The following RTEL1 variants were observed in gnomAD, a reference collection of about 807,000 sequenced individuals.
RTEL1 encodes regulator of telomere length.
Under a neutral mutation model 162.2 loss-of-function variants are expected in RTEL1, and 86 were observed. The observed-to-expected ratio is 0.53, with a 90% CI of 0.45 to 0.63. The LOEUF (loss-of-function observed/expected upper bound fraction) is 0.63. Among genes scored for constraint, RTEL1 ranks in the 30% least tolerant of loss-of-function variants. The pLI, the probability that RTEL1 is intolerant of heterozygous loss-of-function variation, is 0.00. For missense variants in RTEL1, 1,941 were observed against 1,750.2 expected (o/e 1.11, Z -1.95); for synonymous variants, 958 against 717.9 (o/e 1.33, Z -5.35).
intron 21 of RTEL1, 120 bp downstream of exon 21, chr20:63,688,725 T>G (rs2090653705): frequency 1.2e-6 from 1 of 847,170 alleles, no homozygotes; most frequent in Non-Finnish European, 1.8e-6. Context: ...CGCTGCCTCT[T>G]CAGGGCTCCT....
intron 22 of RTEL1, 59 bp downstream of exon 22, chr20:63,689,191 T>C (rs575582979): frequency 2.6e-6 from 4 of 1,514,024 alleles, no homozygotes; most frequent in South Asian, 2.2e-5. Flanking sequence ...TGGGTGCTTA[T>C]GGCTCCCCAG....
At position 63,688,057 on chromosome 20, in the gene RTEL1, G is replaced by A. The variant is rs1464373152; in HGVS notation, c.1595+7G>A. Reference sequence around the variant, plus strand: ...GCTCCGCGTTTGACAGACGGTGAGGGCCTGTCCCTGGGCCCTGCTGGGGTG... The same window carrying A: ...GCTCCGCGTTTGACAGACGGTGAGGACCTGTCCCTGGGCCCTGCTGGGGTG... On this transcript the variant is annotated splice_region_variant and intron_variant, in intron 18 of 34. Transcript: ENST00000360203. 3 of 1,612,604 alleles carry A rather than the reference G, an allele frequency of 1.9e-6. No homozygotes were observed. The East Asian group carries it at 6.7e-5, about 36-fold the overall frequency.
chr20:63,685,958 G>A (rs1022334639), intron 16 of RTEL1, 86 bp downstream of exon 16: 45 of 1,310,768 alleles, frequency 3.4e-5, no homozygotes, highest in South Asian at 3.4e-4. Context: ...ATGCCCAGCC[G>A]TGGATCTCCT....
At chr20:63,669,326 T>C (rs923537731) in intron 8 of RTEL1, among the ~76,000 whole-genome samples, 1 of 152,192 alleles carries the variant, frequency 6.6e-6, no homozygotes, top group Non-Finnish European at 1.5e-5. Context: ...CTAAAAGTTA[T>C]AGAAAGGAAC....
At chr20:63,693,404 T>G in intron 30 of RTEL1, 121 bp downstream of exon 30, 2 of 1,222,286 alleles carry the variant, frequency 1.6e-6, no homozygotes, top group Non-Finnish European at 2.3e-6. Context: ...TCTGTTCCCC[T>G]ATGGGAGTGA....
intron 24 of RTEL1, 80 bp downstream of exon 24, chr20:63,689,945 A>T (rs2090689208): frequency 5.2e-6 from 8 of 1,550,958 alleles, no homozygotes; most frequent in Non-Finnish European, 7.0e-6. Flanking sequence ...CCTTCCCCAC[A>T]TGAGGCCCCG....
chr20:63,661,794 T>TA lies in RTEL1; in HGVS notation c.302-55dup, dbSNP rs1324091005. On this transcript the variant is annotated intron_variant, in intron 3 of 34. Transcript: ENST00000360203. This position sits in a 1 kb window ranked among gnomAD's most constrained non-coding sequence, Gnocchi z 5.1. The stretch of plus-strand genomic sequence containing the variant: ...TTAGCCGAATGCCACCTGCCTTTGA[T>TA]ACGTGAGAACGTTGTCTGAGAACCG... The TA allele has an allele frequency of 4.1e-6, 6 of 1,475,714 alleles. No homozygotes were observed. In the African/African-American group the frequency reaches 5.6e-5, roughly 14 times the overall value. The allele number at this position is 1,475,714 out of a possible 1,614,324, so 91.4% of individuals were successfully genotyped here.
intron 12 of RTEL1, among the ~76,000 whole-genome samples, chr20:63,678,654 A>AGCACACACACTCCCACGGAACG (rs2090413685): frequency 3.4e-5 from 4 of 116,910 alleles, no homozygotes; most frequent in East Asian, 4.8e-4. Flanking sequence ...CCCACGGAAC[A>AGCACACACACTCCCACGGAACG]GCACACACAC....
chr20:63,692,895 T>C lies in RTEL1; in HGVS notation c.2743T>C (p.Phe915Leu). 6.2e-7 allele frequency: 1 copy of C among 1,612,626 alleles called. No individual in the cohort carries two copies. The highest frequency in any genetic ancestry group is 8.5e-7 in the Non-Finnish European group (1 of 1,179,860). Residue 915 changes from phenylalanine to leucine, a missense_variant, in exon 29 of 35, where the codon TTC becomes CTC. Phe to Leu is a conservative substitution (Grantham distance 22). Transcript: ENST00000360203. Reference protein sequence around the residue: ...QELSQANFATFTQALQDYKGS... With the variant: ...QELSQANFATLTQALQDYKGS... ...GTTGAGCCAAGCCAACTTTGCCACC[T>C]TCACCCAGGCCCTGCAGGACTACAA...
Position 63,692,867 on chromosome 20 carries a change from G to A in RTEL1, c.2715G>A (p.Gln905=), listed in dbSNP as rs1278177922. 1 of 1,612,656 alleles carries A rather than the reference G, an allele frequency of 6.2e-7. No individual in the cohort carries two copies. The part of the protein sequence containing the change: ...RAKLFMVAVK[Q]ELSQANFATF... ...AGCTCTTCATGGTGGCCGTGAAGCA[G>A]GAGTTGAGCCAAGCCAACTTTGCCA... Residue 905 remains glutamine, a synonymous_variant, in exon 29 of 35, where the codon CAG becomes CAA. Transcript: ENST00000360203.
chr20:63,659,882 C>T (rs2089983932), intron 2 of RTEL1, among the ~76,000 whole-genome samples: 2 of 152,212 alleles, frequency 1.3e-5, no homozygotes, highest in African/African-American at 4.8e-5. Flanking sequence ...ACTATTTTCA[C>T]TATCTCAGCA....
At chr20:63,664,819 T>C (rs1367462462) in intron 6 of RTEL1, among the ~76,000 whole-genome samples, 1 of 152,214 alleles carries the variant, frequency 6.6e-6, no homozygotes, top group Non-Finnish European at 1.5e-5. Flanking sequence ...CTGGCACCCT[T>C]CCTGGCCTGC....
intron 31 of RTEL1, 108 bp downstream of exon 31, chr20:63,694,596 T>G: frequency 8.1e-7 from 1 of 1,235,486 alleles, no homozygotes; most frequent in Non-Finnish European, 1.1e-6. Context: ...GGGAGCCATC[T>G]CATGGTGGGG....
chr20:63,672,971 GCCCTTCC>G (rs1569090091), intron 9 of RTEL1, among the ~76,000 whole-genome samples: 6 of 152,238 alleles, frequency 3.9e-5, no homozygotes, highest in Admixed American at 3.9e-4. Flanking sequence ...CAGTGTCTCT[GCCCTTCC>G]GGCCACATGG....
intron 26 of RTEL1, 43 bp downstream of exon 26, chr20:63,690,484 AGCGGGCGGCGTGGG>A: frequency 2.8e-6 from 2 of 711,562 alleles, no homozygotes; most frequent in Non-Finnish European, 4.1e-6. Context: ...GGGGTGGCGG[AGCGGGCGGCGTGGG>A]GCGGGCAGCA....
rs1437830035 is a variant in RTEL1, at chr20:63,662,906, G to T, written c.538+17G>T. On this transcript the variant is annotated intron_variant, in intron 6 of 34. Coordinates refer to ENST00000360203, the MANE Select transcript of RTEL1 (RefSeq NM_001283009.2). ...ACGTAGAAGGTACAAGCAGCTGGGTGGGACCAGGGTCGGGTTGGAGTGTGT... is the reference window on the plus strand; with the variant it reads ...ACGTAGAAGGTACAAGCAGCTGGGTTGGACCAGGGTCGGGTTGGAGTGTGT... The T allele has an allele frequency of 6.2e-7, 1 of 1,612,976 alleles. No homozygotes were observed. The highest frequency in any genetic ancestry group is 8.5e-7 in the Non-Finnish European group (1 of 1,179,118).
intron 10 of RTEL1, among the ~76,000 whole-genome samples, chr20:63,674,526 G>A (rs2090310466): frequency 6.6e-6 from 1 of 152,108 alleles, no homozygotes; most frequent in Non-Finnish European, 1.5e-5. Context: ...TGGGCAACAT[G>A]GCGGAACCTC....
chr20:63,659,611 A>AGGCAGC (rs1387016240), intron 2 of RTEL1, 107 bp downstream of exon 2: 1 of 825,320 alleles, frequency 1.2e-6, no homozygotes, highest in Non-Finnish European at 2.1e-6. Context: ...TCCGGGCCAG[A>AGGCAGC]GGCAGCGTCT....
chr20:63,693,594 ACCTCCACCACCACCACCTCCACCT>A (rs2090866442), intron 30 of RTEL1, among the ~76,000 whole-genome samples: 1 of 79,176 alleles, frequency 1.3e-5, no homozygotes, highest in Non-Finnish European at 2.6e-5. Flanking sequence ...CACCACCTCC[ACCTCCACCACCACCACCTCCACCT>A]CCACCACCAC....
Sources: allele counts gnomAD v4.1 joint callset (sites outside exome capture counted in the v4.1 genomes callset), GRCh38; gene constraint gnomAD v4.1.1; non-coding constraint Gnocchi (gnomAD v3.1); transcripts MANE v1.5; gene names NCBI Gene and HGNC (gene_info 2026-07-23, HGNC 2026-07-21).